BAIAP2L2: variants seen among roughly 807,000 people sequenced by gnomAD.
BAIAP2L2 encodes the protein BAR/IMD domain containing adaptor protein 2 like 2.
A neutral mutation model predicts 60.4 loss-of-function variants in BAIAP2L2; 65 were observed. That is an observed-to-expected ratio of 1.08 (90% CI 0.88 to 1.32). The LOEUF (loss-of-function observed/expected upper bound fraction) is 1.32. Among genes scored for constraint, BAIAP2L2 ranks in the 40% most tolerant of loss-of-function variants. The probability of loss-of-function intolerance (pLI) is 0.00; values close to 1 mark genes in which losing one functional copy is unlikely to be tolerated. For synonymous variants in BAIAP2L2, 344 were observed against 301.7 expected (o/e 1.14, Z -1.45); for missense variants, 836 against 741.2 (o/e 1.13, Z -1.48).
rs1401516337 is a variant in BAIAP2L2, at chr22:38,107,922, A to G, written c.215-9T>C. ...CTGCACCAAGATCTCCCCTGGAGGC[A>G]TGGATGCAGCTGTGGCTTTGGTGTG... On this transcript the variant is annotated splice_polypyrimidine_tract_variant and intron_variant, in intron 3 of 13. Transcript: ENST00000381669. The G allele has an allele frequency of 1.2e-6, 2 of 1,613,196 alleles. No homozygotes were observed. Among genetic ancestry groups the G allele is most frequent in the Admixed American group, 1.7e-5 (1 of 60,012 alleles).
rs116980139 is a variant in BAIAP2L2 at position 38,094,475 on chromosome 22, C to T, written c.612+2557G>A. On this transcript the variant is annotated intron_variant, in intron 7 of 13. Transcript: ENST00000381669. ...TGCTGGGATTACAGGTGTGAGCCAC[C>T]GCGCCTGGCCGAGGTACTGGGTTAC... Among the ~76,000 whole-genome samples, 835 of 152,206 alleles carry T rather than the reference C, an allele frequency of 5.5e-3. 28 individuals carry two copies. In the East Asian group the frequency reaches 0.1, roughly 19 times the overall value.
At position 38,089,558 on chromosome 22, in the gene BAIAP2L2, G is replaced by A. The variant is rs1347542879; in HGVS notation, c.729C>T (p.Tyr243=). 3 of 1,228,444 alleles carry A rather than the reference G, an allele frequency of 2.4e-6. No homozygotes were observed. The highest frequency in any genetic ancestry group is 3.1e-4 in the Middle Eastern group (1 of 3,228). 76.1% of individuals were successfully genotyped at this position (1,228,444 alleles called of 1,614,324 possible). The change falls in exon 8 of 14, where the codon TAC becomes TAT. Residue 243 remains tyrosine (Y), a synonymous_variant. Transcript: ENST00000381669. ...GLLGPALGPP[Y]PSGRLTPTCL... is the part of the protein sequence containing the mutation. Reference sequence around the variant, plus strand: ...AGGTGGGCGTCAGGCGGCCCGAGGGGTAGGGCGGCCCCAGCGCGGGGCCCA... The same window carrying A: ...AGGTGGGCGTCAGGCGGCCCGAGGGATAGGGCGGCCCCAGCGCGGGGCCCA...
At position 38,085,351 on chromosome 22, in the gene BAIAP2L2, G is replaced by C. The variant is rs1414489903; in HGVS notation, c.1539C>G (p.Val513=). The C allele has an allele frequency of 1.2e-6, 2 of 1,613,936 alleles. No individual in the cohort carries two copies. Among genetic ancestry groups the C allele is most frequent in the Non-Finnish European group, 1.7e-6 (2 of 1,179,972 alleles). ...FPRGTNPFAT[V]KLRPTITNDR... is the part of the protein sequence containing the mutation. ...CATTGGTGATGGTGGGACGAAGCTT[G>C]ACAGTGGCAAAAGGATTTGTGCCCC... Residue 513 remains valine (V), a synonymous_variant, in exon 14 of 14, where the codon GTC becomes GTG. Transcript: ENST00000381669.
intron 8 of BAIAP2L2, 96 bp downstream of exon 8, chr22:38,089,426 G>C (rs542335454): frequency 3.2e-5 from 22 of 688,718 alleles, no homozygotes; most frequent in South Asian, 7.3e-5. Context: ...GCGGGAGCCT[G>C]GGGGGCAGGA....
intron 3 of BAIAP2L2, 71 bp downstream of exon 3, chr22:38,108,184 G>A: frequency 7.0e-7 from 1 of 1,422,540 alleles, no homozygotes; most frequent in East Asian, 2.3e-5. Flanking sequence ...AGGGACTCGG[G>A]ACATCCTGGA....
chr22:38,109,119 G>C lies in BAIAP2L2; in HGVS notation c.127+14C>G. On this transcript the variant is annotated intron_variant, in intron 2 of 13. Transcript: ENST00000381669. ...GCCCAGGGCTGGGGCTCGGTGGCCC[G>C]GGCAGGCACTCACCGTGGAAGGCAC... The C allele has an allele frequency of 6.2e-7, 1 of 1,607,528 alleles. No individual in the cohort carries two copies.
rs1443936612 is a variant in BAIAP2L2, at chr22:38,085,360, A to G, written c.1530T>C (p.Phe510=). ...TGGTGGGACGAAGCTTGACAGTGGC[A>G]AAAGGATTTGTGCCCCTGTAGGAGG... ...QELFPRGTNP[F]ATVKLRPTIT... Residue 510 remains phenylalanine (F), a synonymous_variant, in exon 14 of 14, where the codon TTT becomes TTC. Coordinates refer to ENST00000381669, the MANE Select transcript of BAIAP2L2 (RefSeq NM_025045.6). 6.2e-7 allele frequency: 1 copy of G among 1,613,854 alleles called. No individual in the cohort carries two copies. Among genetic ancestry groups the G allele is most frequent in the Non-Finnish European group, 8.5e-7 (1 of 1,179,906 alleles).
intron 11 of BAIAP2L2, 85 bp downstream of exon 11, chr22:38,087,039 C>A (rs531231959): frequency 6.3e-6 from 9 of 1,417,346 alleles, no homozygotes; most frequent in Non-Finnish European, 8.3e-6. Context: ...AAAAAACAAG[C>A]CTGCACCTTG....
intron 9 of BAIAP2L2, 39 bp downstream of exon 9, chr22:38,089,057 C>T: frequency 7.2e-7 from 1 of 1,384,180 alleles, no homozygotes; most frequent in East Asian, 3.0e-5. Context: ...CCCCGCGCCT[C>T]TCCCGGCCCT....
At chr22:38,086,578 A>C in intron 11 of BAIAP2L2, 129 bp from the exon 12 acceptor site, 2 of 700,036 alleles carry the variant, frequency 2.9e-6, no homozygotes, top group Non-Finnish European at 4.6e-6. Flanking sequence ...ATGAAAGGAG[A>C]CTGTTGACCG....
chr22:38,086,791 T>G (rs1268974313), intron 11 of BAIAP2L2, among the ~76,000 whole-genome samples: 2 of 149,648 alleles, frequency 1.3e-5, no homozygotes, highest in Non-Finnish European at 3.0e-5. Context: ...AGGTCAGGAG[T>G]TCAAGACCAG....
At chr22:38,087,622 C>G (rs1055679647) in intron 10 of BAIAP2L2, among the ~76,000 whole-genome samples, 2 of 152,002 alleles carry the variant, frequency 1.3e-5, no homozygotes, top group Admixed American at 6.5e-5. Context: ...GCAGGTGTCC[C>G]TATCGTTGGC....
At chr22:38,101,709 C>T (rs1262265918) in intron 4 of BAIAP2L2, among the ~76,000 whole-genome samples, 1 of 151,922 alleles carries the variant, frequency 6.6e-6, no homozygotes, top group Admixed American at 6.6e-5. Flanking sequence ...CATAAATTAG[C>T]CGAGCATGGT....
intron 7 of BAIAP2L2, among the ~76,000 whole-genome samples, chr22:38,094,716 G>A (rs780374966): frequency 2.6e-5 from 4 of 152,198 alleles, no homozygotes; most frequent in Non-Finnish European, 5.9e-5. Flanking sequence ...CTGGGGCCGG[G>A]TGAGGCGGTG....
chr22:38,087,279 C>T lies in BAIAP2L2; in HGVS notation c.1119-15G>A, dbSNP rs1301949713. 1 of 1,593,752 alleles carries T rather than the reference C, an allele frequency of 6.3e-7. No homozygotes were observed. Among genetic ancestry groups the T allele is most frequent in the Non-Finnish European group, 8.5e-7 (1 of 1,172,196 alleles). On this transcript the variant is annotated splice_polypyrimidine_tract_variant and intron_variant, in intron 10 of 13. Transcript: ENST00000381669. ...ACCAACCGCTCCTGTGGGGTAGAGGCAGAGGACAATGACCAAAAGAAGCCA... is the reference window on the plus strand; with the variant it reads ...ACCAACCGCTCCTGTGGGGTAGAGGTAGAGGACAATGACCAAAAGAAGCCA...
intron 7 of BAIAP2L2, among the ~76,000 whole-genome samples, chr22:38,092,369 C>T (rs1044873451): frequency 4.6e-5 from 7 of 152,138 alleles, no homozygotes; most frequent in Non-Finnish European, 7.4e-5. Context: ...CTCTGCCTCC[C>T]GGGTTCAAGC....
In BAIAP2L2 at chr22:38,089,089, C is replaced by T; in HGVS notation, c.901+7G>A. 1.5e-6 allele frequency: 2 copies of T among 1,379,020 alleles called. No homozygotes were observed. The highest frequency in any genetic ancestry group is 3.0e-5 in the East Asian group (1 of 33,404). 85.4% of individuals were successfully genotyped at this position (1,379,020 alleles called of 1,614,324 possible). A position where few individuals can be genotyped will look rare whatever the true frequency, so the allele number is the denominator to read the frequency against. On this transcript the variant is annotated splice_region_variant and intron_variant, in intron 9 of 13. Coordinates refer to ENST00000381669, the MANE Select transcript of BAIAP2L2 (RefSeq NM_025045.6). The stretch of plus-strand genomic sequence containing the variant: ...CCCTCCTGCCGCCCCGGGGCGGGGG[C>T]ACTCACAGGCCGACGGCGTGCGGGG...
In BAIAP2L2 at chr22:38,108,295, A is replaced by C; in HGVS notation, c.174T>G (p.Ile58Met). ...TGGGGCTCTGCAGGGCACGCTCCCC[A>C]ATCTTCTGGATGGCACTGAAGTAGA... ...AEVYFSAIQK[I>M]GERALQSPTS... The change falls in exon 3 of 14, where the codon ATT becomes ATG. Residue 58 changes from isoleucine to methionine, a missense_variant. By Grantham distance (10) the Ile-to-Met change is conservative. Coordinates refer to ENST00000381669, the MANE Select transcript of BAIAP2L2 (RefSeq NM_025045.6). 6.2e-7 allele frequency: 1 copy of C among 1,612,786 alleles called. No individual in the cohort carries two copies. Among genetic ancestry groups the C allele is most frequent in the Non-Finnish European group, 8.5e-7 (1 of 1,179,928 alleles).
rs188406050 is a variant in BAIAP2L2 at position 38,102,758 on chromosome 22, G to T, written c.277-4276C>A. Reference sequence around the variant, plus strand: ...AAGAGTTTAAAAATTATCCAGGCACGGCCGGGTGCGGTGGCTCACACCTGT... The same window carrying T: ...AAGAGTTTAAAAATTATCCAGGCACTGCCGGGTGCGGTGGCTCACACCTGT... On this transcript the variant is annotated intron_variant, in intron 4 of 13. Transcript: ENST00000381669. Among the ~76,000 whole-genome samples, 7 of 152,036 alleles carry T rather than the reference G, an allele frequency of 4.6e-5. No individual in the cohort carries two copies. The South Asian group carries it at 1.5e-3, about 32-fold the overall frequency.
Sources: gnomAD v4.1 joint callset for allele counts (sites outside exome capture counted in the v4.1 genomes callset) on GRCh38, gnomAD v4.1.1 for gene constraint, MANE v1.5 for transcripts, NCBI Gene and HGNC (gene_info 2026-07-23, HGNC 2026-07-21) for gene names.